The following FLVCR2 variants were observed in gnomAD, a reference collection of about 807,000 sequenced individuals.
The protein encoded by FLVCR2 is FLVCR choline and putative heme transporter 2.
A neutral mutation model predicts 48.9 loss-of-function variants in FLVCR2; 38 were observed. The observed-to-expected ratio is 0.78, with a 90% CI of 0.60 to 1.02. The LOEUF (loss-of-function observed/expected upper bound fraction) is 1.02. Among genes scored for constraint, FLVCR2 ranks in the 50% least tolerant of loss-of-function variants. The pLI, the probability that FLVCR2 is intolerant of heterozygous loss-of-function variation, is 0.00. For synonymous variants in FLVCR2, 255 were observed against 257.0 expected (o/e 0.99, Z 0.07); for missense variants, 664 against 663.3 (o/e 1.00, Z -0.01).
intron 1 of FLVCR2, among the ~76,000 whole-genome samples, chr14:75,597,606 GC>G (rs2140014656): frequency 6.6e-6 from 1 of 151,608 alleles, no homozygotes; most frequent in Non-Finnish European, 1.5e-5. Flanking sequence ...GTCTCACTTT[GC>G]CCCCCAGGTT....
At chr14:75,610,623 T>C (rs1363159361) in intron 1 of FLVCR2, among the ~76,000 whole-genome samples, 1 of 152,228 alleles carries the variant, frequency 6.6e-6, no homozygotes, top group Non-Finnish European at 1.5e-5. Context: ...GATCAAGGTA[T>C]ATTACATTAT....
At chr14:75,582,426 G>A (rs182745509) in intron 1 of FLVCR2, among the ~76,000 whole-genome samples, 546 of 152,322 alleles carry the variant, frequency 3.6e-3, no homozygotes, top group Non-Finnish European at 6.1e-3. Flanking sequence ...GAAAGTATAT[G>A]CATCAGGTGT....
intron 1 of FLVCR2, among the ~76,000 whole-genome samples, chr14:75,581,349 T>G (rs1053751974): frequency 1.3e-5 from 2 of 152,030 alleles, no homozygotes; most frequent in Non-Finnish European, 2.9e-5. Context: ...GTTTGGTGAG[T>G]TTTTGGGCTC....
intron 1 of FLVCR2, among the ~76,000 whole-genome samples, chr14:75,599,503 A>C (rs756104361): frequency 2.0e-5 from 3 of 152,250 alleles, no homozygotes; most frequent in Non-Finnish European, 4.4e-5. Flanking sequence ...GGATTGGAAG[A>C]CTTCATGTTA....
At chr14:75,640,316 G>A (rs1169563504) in intron 6 of FLVCR2, among the ~76,000 whole-genome samples, 1 of 151,018 alleles carries the variant, frequency 6.6e-6, no homozygotes, top group Non-Finnish European at 1.5e-5. Flanking sequence ...CCTGTTGTAT[G>A]AGAAAACATA....
At position 75,607,538 on chromosome 14, in the gene FLVCR2, C is replaced by T. The variant is rs139139621; in HGVS notation, c.670-14541C>T. 7.1e-3 allele frequency among the ~76,000 whole-genome samples: 1,086 copies of T among 152,208 alleles called. 5 individuals are homozygous for T. Among genetic ancestry groups the T allele is most frequent in the Middle Eastern group, 0.017 (5 of 292 alleles). ...GAAGAGAGCAGGGCTGGGAATGGAACCTCAGAAGTCTCGATGTTGATGATT... is the reference window on the plus strand; with the variant it reads ...GAAGAGAGCAGGGCTGGGAATGGAATCTCAGAAGTCTCGATGTTGATGATT... On this transcript the variant is annotated intron_variant, in intron 1 of 9. Transcript: ENST00000238667.
At chr14:75,583,562 T>C (rs1355419646) in intron 1 of FLVCR2, among the ~76,000 whole-genome samples, 3 of 152,020 alleles carry the variant, frequency 2.0e-5, no homozygotes, top group Non-Finnish European at 4.4e-5. Context: ...AAGGAGGCTT[T>C]GAACTGGGGA....
At chr14:75,633,575 A>G (rs1332479063) in intron 3 of FLVCR2, 54 bp from the exon 4 acceptor site, 8 of 1,410,368 alleles carry the variant, frequency 5.7e-6, no homozygotes, top group Non-Finnish European at 8.0e-6. Context: ...GAAGTTAGCA[A>G]TGGCCCCAGA....
intron 9 of FLVCR2, 75 bp downstream of exon 9, chr14:75,641,973 G>C: frequency 7.5e-7 from 1 of 1,340,584 alleles, no homozygotes; most frequent in Non-Finnish European, 1.1e-6. Flanking sequence ...ACATAGATGG[G>C]GCAGGGAGAA....
chr14:75,589,048 A>T (rs1201141012), intron 1 of FLVCR2, among the ~76,000 whole-genome samples: 1 of 149,080 alleles, frequency 6.7e-6, no homozygotes, highest in East Asian at 1.9e-4. Context: ...CCTGGACAAC[A>T]TTTTTTTTTT....
In FLVCR2 at chr14:75,579,464, GGCCTGGGTGAAGCTGGGCA is replaced by G; in HGVS notation, c.498_516del (p.Trp166Ter). On this transcript the variant is annotated frameshift_variant, in exon 1 of 10. Transcript: ENST00000238667. LOFTEE classifies it high-confidence loss of function. The stretch of plus-strand genomic sequence containing the variant: ...CTGGCTCGGCTCTCAACTGCCTGGG[GGCCTGGGTGAAGCTGGGCA>G]GCCTGAAGCCGCATCTCTTTCCGGT... The G allele has an allele frequency of 6.2e-7, 1 of 1,613,648 alleles. No individual in the cohort carries two copies. The highest frequency in any genetic ancestry group is 8.5e-7 in the Non-Finnish European group (1 of 1,179,724).
intron 6 of FLVCR2, among the ~76,000 whole-genome samples, chr14:75,640,405 TTG>T (rs10562124): frequency 0.67 from 99,638 of 148,340 alleles, 33,937 homozygotes; most frequent in Non-Finnish European, 0.73. Flanking sequence ...ATATGAGTGT[TTG>T]TGTGTGTGTG....
intron 1 of FLVCR2, among the ~76,000 whole-genome samples, chr14:75,621,472 A>G (rs1889764953): frequency 6.6e-6 from 1 of 152,016 alleles, no homozygotes; most frequent in Non-Finnish European, 1.5e-5. Flanking sequence ...GTGTGTGTTT[A>G]TAGCCATTTT....
intron 1 of FLVCR2, among the ~76,000 whole-genome samples, chr14:75,599,935 G>A (rs1566785920): frequency 6.7e-5 from 10 of 150,310 alleles, no homozygotes; most frequent in African/African-American, 2.4e-5. Flanking sequence ...TGTCAGAGGC[G>A]TTTGAACAAG....
chr14:75,617,382 G>A (rs992026961), intron 1 of FLVCR2, among the ~76,000 whole-genome samples: 5 of 152,190 alleles, frequency 3.3e-5, no homozygotes, highest in African/African-American at 4.8e-5. Context: ...TCACCTTTGA[G>A]TTTGCAGAAA....
At position 75,607,128 on chromosome 14, in the gene FLVCR2, C is replaced by T. The variant is rs75503848; in HGVS notation, c.670-14951C>T. Among the ~76,000 whole-genome samples the T allele has an allele frequency of 2.6e-3, 394 of 152,264 alleles. 1 individual carries two copies. Among genetic ancestry groups the T allele is most frequent in the African/African-American group, 9.0e-3 (374 of 41,542 alleles). ...ACCCAGCAGCCATGTTTGGGGCCTC[C>T]AGCAGGATACCTGTCCTCTTTGGGC... On this transcript the variant is annotated intron_variant, in intron 1 of 9. Coordinates refer to ENST00000238667, the MANE Select transcript of FLVCR2 (RefSeq NM_017791.3).
At chr14:75,593,472 G>A (rs1392435889) in intron 1 of FLVCR2, among the ~76,000 whole-genome samples, 1 of 152,078 alleles carries the variant, frequency 6.6e-6, no homozygotes, top group Non-Finnish European at 1.5e-5. Flanking sequence ...CAAACCCAAG[G>A]GATCTCTTGG....
intron 1 of FLVCR2, among the ~76,000 whole-genome samples, chr14:75,606,653 G>A (rs1161939397): frequency 1.3e-5 from 2 of 152,130 alleles, no homozygotes; most frequent in Non-Finnish European, 2.9e-5. Flanking sequence ...CCAGAACCAC[G>A]TGGGTGTTCA....
chr14:75,587,040 A>C (rs1164831483), intron 1 of FLVCR2, among the ~76,000 whole-genome samples: 2 of 152,144 alleles, frequency 1.3e-5, no homozygotes, highest in East Asian at 3.9e-4. Flanking sequence ...CCTAATTGCT[A>C]TGGGAAAGGC....
Sources: gnomAD v4.1 joint callset for allele counts (sites outside exome capture counted in the v4.1 genomes callset) on GRCh38, gnomAD v4.1.1 for gene constraint, MANE v1.5 for transcripts, NCBI Gene and HGNC (gene_info 2026-07-23, HGNC 2026-07-21) for gene names.